The following ABCG8 variants were observed in gnomAD, a reference collection of about 807,000 sequenced individuals.
The protein encoded by ABCG8 is ATP binding cassette subfamily G member 8, also known as ATP-binding cassette sub-family G member 8.
Under a neutral mutation model 71.3 loss-of-function variants are expected in ABCG8, and 81 were observed. That is an observed-to-expected ratio of 1.14 (90% confidence interval 0.95 to 1.37). ABCG8 has a LOEUF of 1.37. ABCG8 is among the 40% of genes most tolerant of loss of function. ABCG8 has a pLI of 0.00. For synonymous variants in ABCG8, 451 were observed against 354.7 expected, an observed-to-expected ratio of 1.27 and a Z score of -3.05; for missense variants, 1,119 against 866.2, an observed-to-expected ratio of 1.29 and a Z score of -3.66.
At chr2:43,874,578 A>G (rs1669897020) in intron 10 of ABCG8, 95 bp downstream of exon 10, 4 of 1,018,974 alleles carry the variant, frequency 3.9e-6, no homozygotes, top group Non-Finnish European at 6.3e-6. Context: ...TTTCTGAACC[A>G]TGGGGCCGTG....
intron 8 of ABCG8, among the ~76,000 whole-genome samples, chr2:43,873,189 ATT>A (rs71393209): frequency 7.5e-4 from 105 of 140,358 alleles, no homozygotes; most frequent in Middle Eastern, 3.6e-3. Flanking sequence ...TTGAGCGTAC[ATT>A]TTTTTTTTTT....
rs547583131 is a variant in ABCG8 at position 43,852,626 on chromosome 2, C to T, written c.722C>T (p.Ser241Phe). 1.8e-4 allele frequency: 290 copies of T among 1,614,172 alleles called. 10 individuals are homozygous for T. Among genetic ancestry groups the T allele is most frequent in the South Asian group, 8.6e-4 (78 of 91,090 alleles). Reference sequence around the variant, plus strand: ...ATCCTTATTCTCGACGAACCCACCTCTGGGCTCGACAGCTTCACAGCCCAC... The same window carrying T: ...ATCCTTATTCTCGACGAACCCACCTTTGGGCTCGACAGCTTCACAGCCCAC... ...PGILILDEPTSGLDSFTAHNL... is the reference protein window; with the variant it reads ...PGILILDEPTFGLDSFTAHNL... Residue 241 changes from serine (S) to phenylalanine (F), a missense_variant, in exon 6 of 13, where the codon TCT becomes TTT. Ser to Phe is a radical substitution (Grantham distance 155, BLOSUM62 -2). Coordinates refer to ENST00000272286, the MANE Select transcript of ABCG8 (RefSeq NM_022437.3).
chr2:43,850,512 C>T (rs568411124), intron 3 of ABCG8, among the ~76,000 whole-genome samples: 2 of 152,282 alleles, frequency 1.3e-5, no homozygotes, highest in East Asian at 3.9e-4. Context: ...TATAGGTAAA[C>T]TAGTGTCACG....
intron 1 of ABCG8, among the ~76,000 whole-genome samples, chr2:43,841,120 C>G (rs968792789): frequency 6.6e-6 from 1 of 152,168 alleles, no homozygotes; most frequent in Non-Finnish European, 1.5e-5. Context: ...TTTCTTCAGC[C>G]AGGAACAAGT....
At chr2:43,860,715 C>T (rs1193041196) in intron 6 of ABCG8, among the ~76,000 whole-genome samples, 1 of 151,378 alleles carries the variant, frequency 6.6e-6, no homozygotes, top group Non-Finnish European at 1.5e-5. Context: ...TTCTCACCCT[C>T]TGGATGGAAC....
intron 4 of ABCG8, 44 bp downstream of exon 4, chr2:43,851,866 A>G: frequency 1.3e-6 from 2 of 1,595,768 alleles, no homozygotes; most frequent in Non-Finnish European, 1.7e-6. Context: ...CCAAGAAGCT[A>G]CAGTGTCCAT....
In ABCG8 at chr2:43,868,741, T is replaced by C. The variant is rs1490251823; in HGVS notation, c.965-3235T>C. Among the ~76,000 whole-genome samples, 5 of 152,056 alleles carry C rather than the reference T, an allele frequency of 3.3e-5. No individual in the cohort carries two copies. The South Asian group carries it at 1.0e-3, about 32-fold the overall frequency. ...ATATAATTCCCACTATCGATCAGGATAGAATTCTCACTCTGTGGATAGAAC... is the reference window on the plus strand; with the variant it reads ...ATATAATTCCCACTATCGATCAGGACAGAATTCTCACTCTGTGGATAGAAC... On this transcript the variant is annotated intron_variant, in intron 6 of 12. Coordinates refer to ENST00000272286, the MANE Select transcript of ABCG8 (RefSeq NM_022437.3).
chr2:43,846,577 C>T, intron 3 of ABCG8: 1 of 478,498 alleles, frequency 2.1e-6, no homozygotes, highest in South Asian at 2.0e-5. Context: ...CTGACTTTGG[C>T]TAACACCTGG....
chr2:43,846,403 G>T, intron 3 of ABCG8, 92 bp downstream of exon 3: 1 of 1,561,290 alleles, frequency 6.4e-7, no homozygotes, highest in Non-Finnish European at 8.8e-7. Context: ...GGAGCTCTTT[G>T]CTGACTAGTA....
rs76860390 is a variant in ABCG8, at chr2:43,858,025, T to A, written c.964+5157T>A. ...CACTCTCTAGATAGAACTCTCAATA[T>A]ATATCTGGATAGAATTCTTACCATC... On this transcript the variant is annotated intron_variant, in intron 6 of 12. Transcript: ENST00000272286. 4.9e-3 allele frequency among the ~76,000 whole-genome samples: 743 copies of A among 151,744 alleles called. 29 individuals carry two copies. The East Asian group carries it at 0.085, about 17-fold the overall frequency.
intron 6 of ABCG8, among the ~76,000 whole-genome samples, chr2:43,866,017 ACAGAGCCCT>A: frequency 6.6e-6 from 1 of 152,282 alleles, no homozygotes; most frequent in Middle Eastern, 3.4e-3. Flanking sequence ...ATAGAACAGA[ACAGAGCCCT>A]CAGAAATAAC....
At position 43,882,527 on chromosome 2, in the gene ABCG8, C is replaced by G. The variant is rs1572875767; in HGVS notation, c.*4614C>G. ...GCTTGTTTGCAAAATATATCCAATG[C>G]TCACACCTGAGAGACAACAGACATC... On this transcript the variant is annotated 3_prime_UTR_variant, in exon 13 of 13. Transcript: ENST00000272286. 1 of 152,214 alleles carries G rather than the reference C, an allele frequency of 6.6e-6. No individual in the cohort carries two copies. Among genetic ancestry groups the G allele is most frequent in the East Asian group, 1.9e-4 (1 of 5,204 alleles). The allele number at this position is 152,214 out of a possible 1,614,324, so 9.4% of individuals were successfully genotyped here.
chr2:43,851,758 C>T lies in ABCG8; in HGVS notation c.497C>T (p.Thr166Ile), dbSNP rs748420898. ...QLLPNLTVRE[T>I]LAFIAQMRLP... ...CTCCCCAACTTGACTGTGCGAGAGA[C>T]CTTGGCCTTCATTGCCCAGATGCGG... The change falls in exon 4 of 13, where the codon ACC (threonine) becomes ATC (isoleucine). Residue 166 changes from threonine (T) to isoleucine (I), a missense_variant. Thr to Ile is a moderately conservative substitution (Grantham distance 89, BLOSUM62 -1). Coordinates refer to ENST00000272286, the MANE Select transcript of ABCG8 (RefSeq NM_022437.3). The T allele has an allele frequency of 6.2e-7, 1 of 1,614,236 alleles. No individual in the cohort carries two copies. The highest frequency in any genetic ancestry group is 1.1e-5 in the South Asian group (1 of 91,092).
chr2:43,849,021 TAA>T lies in ABCG8; in HGVS notation c.323-2539_323-2538del, dbSNP rs1193216137. Among the ~76,000 whole-genome samples, 24 of 54,708 alleles carry T rather than the reference TAA, an allele frequency of 4.4e-4. 1 individual carries two copies. Among genetic ancestry groups the T allele is most frequent in the East Asian group, 3.6e-3 (6 of 1,646 alleles). The allele number at this position is 54,708 out of a possible 152,430, so 35.9% of individuals were successfully genotyped here. ...TGGGCAGCAAGAGCAAAACACTGTC[TAA>T]AAAAAAAAAAAAAAAAAAAAAAAGG... On this transcript the variant is annotated intron_variant, in intron 3 of 12. Transcript: ENST00000272286.
intron 3 of ABCG8, among the ~76,000 whole-genome samples, chr2:43,848,907 A>G (rs1042697071): frequency 6.6e-6 from 1 of 151,676 alleles, no homozygotes; most frequent in African/African-American, 2.4e-5. Flanking sequence ...CTGTAATCCC[A>G]GCTACTTGGG....
Position 43,877,616 on chromosome 2 carries a change from G to T in ABCG8, c.1812G>T (p.Met604Ile). 1 of 1,614,114 alleles carries T rather than the reference G, an allele frequency of 6.2e-7. No homozygotes were observed. The highest frequency in any genetic ancestry group is 2.2e-5 in the East Asian group (1 of 44,880). Reference protein sequence around the residue: ...SFLRWCFEGLMKIQFSRRTYK... With the variant: ...SFLRWCFEGLIKIQFSRRTYK... The stretch of plus-strand genomic sequence containing the variant: ...TGCGGTGGTGTTTTGAAGGGCTGAT[G>T]AAGATTCAGTTCAGCAGAAGAACTT... The change falls in exon 12 of 13, where the codon ATG becomes ATT. Residue 604 changes from methionine (M) to isoleucine (I), a missense_variant. Physicochemically the swap from Met to Ile is conservative, Grantham distance 10 (BLOSUM62 1). Transcript: ENST00000272286.
chr2:43,845,737 T>A (rs1459267948), intron 2 of ABCG8, among the ~76,000 whole-genome samples: 1 of 152,176 alleles, frequency 6.6e-6, no homozygotes, highest in Non-Finnish European at 1.5e-5. Flanking sequence ...TTCTCCTGCC[T>A]CAGCCTCCCA....
In ABCG8 at chr2:43,873,932, T is replaced by C; in HGVS notation, c.1357T>C (p.Phe453Leu). Residue 453 changes from phenylalanine to leucine, a missense_variant, in exon 9 of 13, where the codon TTC (phenylalanine) becomes CTC (leucine). Physicochemically the swap from Phe to Leu is conservative, Grantham distance 22. Transcript: ENST00000272286. ...LSFMDTAALLFMIGALIPFNV... is the reference protein window; with the variant it reads ...LSFMDTAALLLMIGALIPFNV... ...CTTCATGGATACAGCCGCCCTCTTG[T>C]TCATGATCGGTGCTCTCATCCCTTT... 1.2e-6 allele frequency: 2 copies of C among 1,614,136 alleles called. No individual in the cohort carries two copies. The highest frequency in any genetic ancestry group is 1.7e-6 in the Non-Finnish European group (2 of 1,180,042).
rs1387531136 is a variant in ABCG8 at position 43,839,037 on chromosome 2, A to G, written c.-17A>G. On this transcript the variant is annotated 5_prime_UTR_variant, in exon 1 of 13. Transcript: ENST00000272286. ...TCTAAGAGAGCTGCAGCCCAGGGTC[A>G]CAGACCTGTGGGCCCCATGGCCGGG... 1.9e-6 allele frequency: 3 copies of G among 1,550,510 alleles called. No individual in the cohort carries two copies. In the East Asian group the frequency reaches 7.3e-5, roughly 38 times the overall value.
Sources: allele counts gnomAD v4.1 joint callset (sites outside exome capture counted in the v4.1 genomes callset), GRCh38; gene constraint gnomAD v4.1.1; transcripts MANE v1.5; gene names NCBI Gene and HGNC (gene_info 2026-07-23, HGNC 2026-07-21).